RABAC1: variants seen among roughly 807,000 people sequenced by gnomAD.
The protein encoded by RABAC1 is prenylated Rab acceptor protein 1.
A neutral mutation model predicts 22.9 loss-of-function variants in RABAC1; 16 were observed. The ratio of observed to expected loss-of-function variants is 0.70; its 90% CI spans 0.47 to 1.06. The LOEUF (loss-of-function observed/expected upper bound fraction) is 1.06. Ranked by LOEUF, RABAC1 falls within the 50% of genes least tolerant of loss-of-function variation. The pLI is 0.00. For missense variants in RABAC1, 227 were observed against 246.5 expected (o/e 0.92, Z 0.53); for synonymous variants, 139 against 107.7 (o/e 1.29, Z -1.80).
In RABAC1 at chr19:41,958,096, G is replaced by A. The variant is rs2074998192; in HGVS notation, c.367+190C>T. 19 of 578,774 alleles carry A rather than the reference G, an allele frequency of 3.3e-5. 1 individual carries two copies. The South Asian group carries it at 3.4e-4, about 10-fold the overall frequency. The allele number at this position is 578,774 out of a possible 1,614,324, so 35.9% of individuals were successfully genotyped here. On this transcript the variant is annotated intron_variant, in intron 3 of 4. Coordinates refer to ENST00000222008, the MANE Select transcript of RABAC1 (RefSeq NM_006423.3). Reference sequence around the variant, plus strand: ...GTTTGAGGAATAGCAATTTGAGGGGGCTGAGACTCGATGGAAGGATCGGTT... The same window carrying A: ...GTTTGAGGAATAGCAATTTGAGGGGACTGAGACTCGATGGAAGGATCGGTT...
intron 4 of RABAC1, 37 bp from the exon 5 acceptor site, chr19:41,956,971 C>T (rs1252483013): frequency 1.9e-6 from 3 of 1,612,780 alleles, no homozygotes; most frequent in African/African-American, 1.3e-5. Flanking sequence ...CACACTCCTG[C>T]ACCTGGCTCC....
intron 3 of RABAC1, among the ~76,000 whole-genome samples, chr19:41,957,684 GCCC>G (rs1319323792): frequency 6.6e-5 from 10 of 152,258 alleles, no homozygotes; most frequent in African/African-American, 2.4e-4. Context: ...TAACTTGCAG[GCCC>G]CTGAAGAGCC....
intron 1 of RABAC1, 113 bp from the exon 2 acceptor site, chr19:41,959,061 A>T: frequency 7.4e-7 from 1 of 1,344,648 alleles, no homozygotes; most frequent in East Asian, 2.5e-5. Context: ...ATTCCTGTAC[A>T]GCAGGCAGGG....
At chr19:41,958,250 G>C (rs2074998651) in intron 3 of RABAC1, 36 bp downstream of exon 3, 8 of 1,568,014 alleles carry the variant, frequency 5.1e-6, no homozygotes, top group Non-Finnish European at 7.0e-6. Context: ...CAAGATTTGA[G>C]GGACCAAGGA....
In RABAC1 at chr19:41,957,009, T is replaced by C. The variant is rs1555856778; in HGVS notation, c.469+9A>G. On this transcript the variant is annotated intron_variant, in intron 4 of 4. Transcript: ENST00000222008. ...CCATCCACCCCAGCTGCTCAGACCC[T>C]GTACTCACCCAGCACCCAGAAGACG... 6.2e-7 allele frequency: 1 copy of C among 1,613,644 alleles called. No homozygotes were observed. Among genetic ancestry groups the C allele is most frequent in the South Asian group, 1.1e-5 (1 of 91,078 alleles).
chr19:41,957,648 C>T (rs1233897480), intron 3 of RABAC1: 5 of 158,242 alleles, frequency 3.2e-5, no homozygotes, highest in Admixed American at 6.1e-5. Flanking sequence ...TTCAGGCACT[C>T]CCTCCACCCC....
Position 41,958,174 on chromosome 19 carries a change from T to G in RABAC1, c.367+112A>C, listed in dbSNP as rs1189057520. ...TGGGGGATCTAGTGTACATCTAGGC[T>G]TGGGCGGACTTGGGTTTTGAAGGAC... On this transcript the variant is annotated intron_variant, in intron 3 of 4. Coordinates refer to ENST00000222008, the MANE Select transcript of RABAC1 (RefSeq NM_006423.3). 6.1e-6 allele frequency: 6 copies of G among 981,892 alleles called. No homozygotes were observed. In the Admixed American group the frequency reaches 1.3e-4, roughly 21 times the overall value. 60.8% of individuals were successfully genotyped at this position (981,892 alleles called of 1,614,324 possible). A position where few individuals can be genotyped will look rare whatever the true frequency, so the allele number is the denominator to read the frequency against.
chr19:41,958,678 A>G, intron 2 of RABAC1, 58 bp downstream of exon 2: 1 of 1,539,698 alleles, frequency 6.5e-7, no homozygotes, highest in Non-Finnish European at 8.8e-7. Flanking sequence ...CTGAGCGGCG[A>G]GAGGAGGGGT....
chr19:41,959,184 G>C, intron 1 of RABAC1, 53 bp downstream of exon 1: 1 of 1,609,346 alleles, frequency 6.2e-7, no homozygotes, highest in Non-Finnish European at 8.5e-7. Flanking sequence ...GAGGGGGCCG[G>C]GGGCCCGGAC....
At chr19:41,959,107 G>A in intron 1 of RABAC1, 130 bp downstream of exon 1, 2 of 1,401,138 alleles carry the variant, frequency 1.4e-6, no homozygotes, top group Middle Eastern at 2.3e-4. Context: ...GGTCCCATTA[G>A]AGGAGACCGG....
rs782493274 is a variant in RABAC1, at chr19:41,958,810, C to G, written c.195G>C (p.Gln65His). The G allele has an allele frequency of 1.9e-6, 3 of 1,611,836 alleles. No homozygotes were observed. The highest frequency in any genetic ancestry group is 1.7e-5 in the Admixed American group (1 of 60,000). Residue 65 changes from glutamine to histidine, a missense_variant, in exon 2 of 5, where the codon CAG (glutamine) becomes CAC (histidine). Physicochemically the swap from Gln to His is conservative, Grantham distance 24 (BLOSUM62 0). Coordinates refer to ENST00000222008, the MANE Select transcript of RABAC1 (RefSeq NM_006423.3). ...SRPRNLGELC[Q>H]RLVRNVEYYQ... is the part of the protein sequence containing the mutation. ...AGTACTCCACGTTGCGTACGAGGCG[C>G]TGGCACAGCTCTCCCAGGTTGCGGG...
rs548671739 is a variant in RABAC1, at chr19:41,958,002, G to A, written c.367+284C>T. 1.8e-4 allele frequency: 67 copies of A among 371,850 alleles called. 3 individuals are homozygous for A. The highest frequency in any genetic ancestry group is 1.6e-3 in the South Asian group (63 of 40,636). The allele number at this position is 371,850 out of a possible 1,614,324, so 23.0% of individuals were successfully genotyped here. A position where few individuals can be genotyped will look rare whatever the true frequency, so the allele number is the denominator to read the frequency against. ...GCCGCAGAGAGCGGCAAGGGGAGGAGAGAGAGGGGAGGAGTCATGTGGTTT... is the reference window on the plus strand; with the variant it reads ...GCCGCAGAGAGCGGCAAGGGGAGGAAAGAGAGGGGAGGAGTCATGTGGTTT... On this transcript the variant is annotated intron_variant, in intron 3 of 4. Transcript: ENST00000222008.
At chr19:41,957,332 GC>G in intron 3 of RABAC1, 1 of 571,736 alleles carries the variant, frequency 1.7e-6, no homozygotes, top group South Asian at 2.1e-5. Flanking sequence ...GCCTGCCTCA[GC>G]CCCACCCTCT....
At chr19:41,959,162 G>T in intron 1 of RABAC1, 75 bp downstream of exon 1, 1 of 1,587,142 alleles carries the variant, frequency 6.3e-7, no homozygotes, top group South Asian at 1.1e-5. Flanking sequence ...AGGCTCTCGA[G>T]GGAGGAGGGA....
chr19:41,957,420 A>G (rs552636874), intron 3 of RABAC1: 1 of 415,548 alleles, frequency 2.4e-6, no homozygotes, highest in South Asian at 3.4e-5. Flanking sequence ...CTCCTGCTGC[A>G]ACCCTCGCGC....
chr19:41,958,526 G>A, intron 2 of RABAC1, 143 bp from the exon 3 acceptor site: 1 of 940,986 alleles, frequency 1.1e-6, no homozygotes, highest in Non-Finnish European at 1.7e-6. Context: ...ACTGCATCCT[G>A]GCCAGGGTGA....
rs372518441 is a variant in RABAC1 at position 41,956,822 on chromosome 19, G to A, written c.*24C>T. On this transcript the variant is annotated 3_prime_UTR_variant, in exon 5 of 5. Coordinates refer to ENST00000222008, the MANE Select transcript of RABAC1 (RefSeq NM_006423.3). ...CAGGGGTGGGGCAGCTGGCCCGGGAGGCCGGCAGGTCCCAGAAGACACCTC... is the reference window on the plus strand; with the variant it reads ...CAGGGGTGGGGCAGCTGGCCCGGGAAGCCGGCAGGTCCCAGAAGACACCTC... The A allele has an allele frequency of 5.1e-5, 81 of 1,585,210 alleles. No individual in the cohort carries two copies. The highest frequency in any genetic ancestry group is 2.1e-4 in the Middle Eastern group (1 of 4,738).
Position 41,957,034 on chromosome 19 carries a change from G to T in RABAC1, c.453C>A (p.Ala151=), listed in dbSNP as rs372885718. The T allele has an allele frequency of 6.2e-7, 1 of 1,613,696 alleles. No homozygotes were observed. The highest frequency in any genetic ancestry group is 1.1e-5 in the South Asian group (1 of 91,074). The change falls in exon 4 of 5, where the codon GCC becomes GCA. Residue 151 remains alanine, a synonymous_variant. Transcript: ENST00000222008. ...PFFWLAGAGS[A]VFWVLGATLV... is the part of the protein sequence containing the mutation. ...TGTACTCACCCAGCACCCAGAAGAC[G>T]GCCGAGCCCGCACCAGCCAGCCAGA...
intron 2 of RABAC1, 55 bp from the exon 3 acceptor site, chr19:41,958,438 G>A: frequency 3.3e-6 from 5 of 1,514,484 alleles, no homozygotes; most frequent in Non-Finnish European, 4.5e-6. Context: ...GGGCCAGCCC[G>A]ACGGCCCTGG....
Sources: gnomAD v4.1 joint callset for allele counts (sites outside exome capture counted in the v4.1 genomes callset) on GRCh38, gnomAD v4.1.1 for gene constraint, MANE v1.5 for transcripts, NCBI Gene and HGNC (gene_info 2026-07-23, HGNC 2026-07-21) for gene names.